The following TRAPPC3L variants were observed in gnomAD, a reference collection of about 807,000 sequenced individuals.
The protein encoded by TRAPPC3L is trafficking protein particle complex subunit 3-like protein.
A neutral mutation model predicts 23.7 loss-of-function variants in TRAPPC3L; 23 were observed. The ratio of observed to expected loss-of-function variants is 0.97; its 90% CI spans 0.70 to 1.37. TRAPPC3L has a LOEUF of 1.37. Among genes scored for constraint, TRAPPC3L ranks in the 40% most tolerant of loss-of-function variants. TRAPPC3L has a pLI of 0.00. For synonymous variants in TRAPPC3L, 81 were observed against 77.9 expected (o/e 1.04, Z -0.21); for missense variants, 212 against 216.8 (o/e 0.98, Z 0.14).
chr6:116,507,945 C>T (rs1167638937), intron 3 of TRAPPC3L, among the ~76,000 whole-genome samples: 2 of 152,280 alleles, frequency 1.3e-5, no homozygotes, highest in African/African-American at 4.8e-5. Context: ...CAAGACCATG[C>T]TATAACTTAA....
intron 2 of TRAPPC3L, among the ~76,000 whole-genome samples, chr6:116,541,574 A>G (rs935967422): frequency 3.3e-5 from 5 of 152,196 alleles, no homozygotes; most frequent in African/African-American, 1.2e-4. Flanking sequence ...GAGATATCCT[A>G]TTTATATTTC....
chr6:116,537,030 G>A (rs957271617), intron 3 of TRAPPC3L, among the ~76,000 whole-genome samples: 1 of 152,114 alleles, frequency 6.6e-6, no homozygotes, highest in African/African-American at 2.4e-5. Flanking sequence ...TCCTGAAATG[G>A]GTGACATTAG....
chr6:116,543,344 A>G lies in TRAPPC3L; in HGVS notation c.99T>C (p.Asp33=), dbSNP rs1372111796. ...GGTTCACATCTTCATCCTTCTCATA[A>G]TCCTTACACAGCTGGGCAACCAGAG... ...YGALVAQLCK[D]YEKDEDVNQY... The change falls in exon 2 of 5, where the codon GAT becomes GAC. Residue 33 remains aspartate (D), a synonymous_variant. Coordinates refer to ENST00000368602, the MANE Select transcript of TRAPPC3L (RefSeq NM_001139444.3). 1 of 1,549,900 alleles carries G rather than the reference A, an allele frequency of 6.5e-7. No homozygotes were observed. The highest frequency in any genetic ancestry group is 2.0e-5 in the Admixed American group (1 of 50,918).
At chr6:116,501,263 C>G (rs1044784809) in intron 3 of TRAPPC3L, among the ~76,000 whole-genome samples, 2 of 152,178 alleles carry the variant, frequency 1.3e-5, no homozygotes, top group Non-Finnish European at 2.9e-5. Flanking sequence ...AGCCTGAGAT[C>G]GACCTGAGAT....
chr6:116,528,322 G>A (rs1741819), intron 3 of TRAPPC3L, among the ~76,000 whole-genome samples: 118,085 of 152,158 alleles, frequency 0.78, 46,113 homozygotes, highest in East Asian at 0.93. Context: ...GCTTGTGGCT[G>A]TACACATATG....
intron 3 of TRAPPC3L, among the ~76,000 whole-genome samples, chr6:116,507,505 T>C (rs939259271): frequency 6.6e-6 from 1 of 151,652 alleles, no homozygotes; most frequent in Non-Finnish European, 1.5e-5. Flanking sequence ...CCGTACTCCA[T>C]ACTGCCCAGA....
chr6:116,528,729 A>ATGTTG (rs761929152), intron 3 of TRAPPC3L, among the ~76,000 whole-genome samples: 36 of 152,168 alleles, frequency 2.4e-4, no homozygotes, highest in Admixed American at 9.8e-4. Flanking sequence ...CTTCTCTGGA[A>ATGTTG]TGTTGTGTTG....
intron 3 of TRAPPC3L, among the ~76,000 whole-genome samples, chr6:116,537,138 T>C (rs1055072769): frequency 6.6e-6 from 1 of 152,170 alleles, no homozygotes; most frequent in Admixed American, 6.6e-5. Flanking sequence ...GGGACAGTTG[T>C]CTTACACTAG....
At position 116,498,738 on chromosome 6, in the gene TRAPPC3L, C is replaced by T. The variant is rs545062609; in HGVS notation, c.427-1665G>A. ...GGTCCGGTTTAACTTAGACTCTTTG[C>T]TGTACTTGTTCTTATTAATCAGTCT... is the stretch of plus-strand genomic sequence containing the variant. On this transcript the variant is annotated intron_variant, in intron 4 of 4. Coordinates refer to ENST00000368602, the MANE Select transcript of TRAPPC3L (RefSeq NM_001139444.3). 1.3e-3 allele frequency among the ~76,000 whole-genome samples: 191 copies of T among 152,332 alleles called. 1 individual carries two copies. Among genetic ancestry groups the T allele is most frequent in the African/African-American group, 4.4e-3 (184 of 41,580 alleles).
At chr6:116,500,349 T>C in intron 4 of TRAPPC3L, 132 bp downstream of exon 4, 1 of 810,526 alleles carries the variant, frequency 1.2e-6, no homozygotes. Context: ...TGCTACATTT[T>C]GGGGGTAATT....
intron 3 of TRAPPC3L, among the ~76,000 whole-genome samples, chr6:116,534,739 T>C (rs932899962): frequency 6.6e-6 from 1 of 152,090 alleles, no homozygotes; most frequent in Non-Finnish European, 1.5e-5. Flanking sequence ...TCCCCCAAAA[T>C]CATTGCTCAC....
At chr6:116,533,989 A>G (rs1266431450) in intron 3 of TRAPPC3L, among the ~76,000 whole-genome samples, 1 of 152,134 alleles carries the variant, frequency 6.6e-6, no homozygotes, top group Non-Finnish European at 1.5e-5. Flanking sequence ...TCCACTATCC[A>G]TAGTCTGTAA....
At position 116,545,618 on chromosome 6, in the gene TRAPPC3L, C is replaced by T; in HGVS notation, c.-104G>A. On this transcript the variant is annotated 5_prime_UTR_variant, in exon 1 of 5. Transcript: ENST00000368602. ...TTTTGTTTTGTTTTTGTAAGCTCTT[C>T]CTCGCTTTGAGACAGGAGTGCTGCT... 1 of 1,058,342 alleles carries T rather than the reference C, an allele frequency of 9.4e-7. No homozygotes were observed. Among genetic ancestry groups the T allele is most frequent in the Middle Eastern group, 2.1e-4 (1 of 4,832 alleles). 65.6% of individuals were successfully genotyped at this position (1,058,342 alleles called of 1,614,324 possible). A position where few individuals can be genotyped will look rare whatever the true frequency, so the allele number is the denominator to read the frequency against.
chr6:116,533,567 A>G (rs1290764879), intron 3 of TRAPPC3L, among the ~76,000 whole-genome samples: 1 of 152,208 alleles, frequency 6.6e-6, no homozygotes, highest in African/African-American at 2.4e-5. Context: ...TTAAAACGGC[A>G]ATAGAAATGT....
At chr6:116,536,922 C>T (rs1773131493) in intron 3 of TRAPPC3L, among the ~76,000 whole-genome samples, 1 of 151,810 alleles carries the variant, frequency 6.6e-6, no homozygotes, top group South Asian at 2.1e-4. Flanking sequence ...ATAATGCTGC[C>T]ACAGGCCCGA....
In TRAPPC3L at chr6:116,511,902, T is replaced by C. The variant is rs778621814; in HGVS notation, c.241-11236A>G. ...GTGTTACTGATCCTGGGATTCTTTC[T>C]GAACAATAGGTCGTGGAGACTCTTC... is the stretch of plus-strand genomic sequence containing the variant. On this transcript the variant is annotated intron_variant, in intron 3 of 4. Transcript: ENST00000368602. The C allele has an allele frequency of 6.8e-6, 11 of 1,614,092 alleles. No individual in the cohort carries two copies. Among genetic ancestry groups the C allele is most frequent in the South Asian group, 1.1e-5 (1 of 91,082 alleles).
rs1158290444 is a variant in TRAPPC3L, at chr6:116,495,119, T to G, written c.*1835A>C. ...TGCCCGACCCAGATCTTATTCATTC[T>G]ATCTAACTATATTTTTGTACCCATT... On this transcript the variant is annotated 3_prime_UTR_variant, in exon 5 of 5. Transcript: ENST00000368602. 6.7e-6 allele frequency: 1 copy of G among 150,346 alleles called. No individual in the cohort carries two copies. The highest frequency in any genetic ancestry group is 1.5e-5 in the Non-Finnish European group (1 of 67,606). The allele number at this position is 150,346 out of a possible 1,614,324, so 9.3% of individuals were successfully genotyped here. A position where few individuals can be genotyped will look rare whatever the true frequency, so the allele number is the denominator to read the frequency against.
At chr6:116,523,368 G>A (rs952783) in intron 3 of TRAPPC3L, 62,324 of 152,032 alleles carry the variant, frequency 0.41, 14,478 homozygotes, top group Middle Eastern at 0.6. Context: ...CTTTGTTCCT[G>A]TTGTAAATGG....
At chr6:116,512,676 T>A (rs1273355713) in intron 3 of TRAPPC3L, among the ~76,000 whole-genome samples, 3 of 152,210 alleles carry the variant, frequency 2.0e-5, no homozygotes, top group African/African-American at 7.2e-5. Context: ...CTGAATGAAA[T>A]GAGTTATTAC....
Sources: gnomAD v4.1 joint callset for allele counts (sites outside exome capture counted in the v4.1 genomes callset) on GRCh38, gnomAD v4.1.1 for gene constraint, MANE v1.5 for transcripts, NCBI Gene and HGNC (gene_info 2026-07-23, HGNC 2026-07-21) for gene names.